Variants in TMTC2 observed in about 807,000 individuals in gnomAD.
The protein encoded by TMTC2 is protein O-mannosyl-transferase TMTC2.
In TMTC2, 43 loss-of-function variants were observed where a neutral mutation model predicts 82.4. The ratio of observed to expected loss-of-function variants is 0.52; its 90% CI spans 0.41 to 0.67. TMTC2 has a LOEUF of 0.67. TMTC2 is among the 30% of genes least tolerant of loss of function. The pLI, the probability that TMTC2 is intolerant of heterozygous loss-of-function variation, is 0.00. For missense variants in TMTC2, 919 were observed against 1,012.4 expected, an observed-to-expected ratio of 0.91 and a Z score of 1.25; for synonymous variants, 408 against 381.9, an observed-to-expected ratio of 1.07 and a Z score of -0.80.
intron 11 of TMTC2, among the ~76,000 whole-genome samples, chr12:83,085,759 C>CAA (rs1217303731): frequency 9.2e-5 from 14 of 152,278 alleles, no homozygotes; most frequent in African/African-American, 3.4e-4. Context: ...TAAATAAACT[C>CAA]AAGGCTACAT....
At chr12:83,014,320 G>A (rs555965940) in intron 8 of TMTC2, among the ~76,000 whole-genome samples, 10 of 151,640 alleles carry the variant, frequency 6.6e-5, no homozygotes, top group East Asian at 5.8e-4. Context: ...CTGCCACCAC[G>A]CCCAGCTAAT....
At chr12:83,120,620 C>T (rs538516247) in intron 11 of TMTC2, among the ~76,000 whole-genome samples, 2 of 152,280 alleles carry the variant, frequency 1.3e-5, no homozygotes, top group East Asian at 3.9e-4. Context: ...AACCTGGTGA[C>T]AGTGTGCCTA....
At chr12:82,847,754 T>G (rs1298008871) in intron 1 of TMTC2, among the ~76,000 whole-genome samples, 2 of 151,634 alleles carry the variant, frequency 1.3e-5, no homozygotes. Context: ...ATGAGATCAC[T>G]TGGACACAGG....
chr12:83,092,022 T>C (rs2896445), intron 11 of TMTC2, among the ~76,000 whole-genome samples: 26,464 of 152,000 alleles, frequency 0.17, 2,751 homozygotes, highest in African/African-American at 0.27. Flanking sequence ...AGGAAGGGGG[T>C]GAGAGAGTAA....
intron 1 of TMTC2, among the ~76,000 whole-genome samples, chr12:82,773,070 G>A (rs1877393192): frequency 6.6e-6 from 1 of 152,088 alleles, no homozygotes; most frequent in African/African-American, 2.4e-5. Context: ...AAATTTATAT[G>A]CCATGTTGGT....
intron 1 of TMTC2, among the ~76,000 whole-genome samples, chr12:82,792,361 C>T (rs1878508648): frequency 6.6e-6 from 1 of 151,748 alleles, no homozygotes; most frequent in Non-Finnish European, 1.5e-5. Flanking sequence ...GTTGAGCAAC[C>T]ATCACCTCTA....
intron 5 of TMTC2, 109 bp from the exon 6 acceptor site, chr12:82,965,451 T>C (rs1878150640): frequency 8.3e-7 from 1 of 1,204,130 alleles, no homozygotes; most frequent in Non-Finnish European, 1.2e-6. Flanking sequence ...TATTTTTTTC[T>C]TTTTTAATGA....
chr12:83,040,906 G>C (rs750738495), intron 9 of TMTC2, among the ~76,000 whole-genome samples: 3 of 152,040 alleles, frequency 2.0e-5, no homozygotes, highest in Non-Finnish European at 4.4e-5. Flanking sequence ...GGATGGTCTC[G>C]ATCTCTTGAC....
At chr12:82,796,949 T>A (rs1305476696) in intron 1 of TMTC2, among the ~76,000 whole-genome samples, 1 of 152,160 alleles carries the variant, frequency 6.6e-6, no homozygotes, top group East Asian at 1.9e-4. Context: ...TGAATAGATA[T>A]AATCAGCTCA....
At chr12:82,801,459 G>A (rs913503938) in intron 1 of TMTC2, among the ~76,000 whole-genome samples, 20 of 152,254 alleles carry the variant, frequency 1.3e-4, no homozygotes, top group African/African-American at 4.6e-4. Context: ...GGCTTGGGCA[G>A]CCTGCTTTTA....
At chr12:82,798,917 T>C (rs1009227664) in intron 1 of TMTC2, among the ~76,000 whole-genome samples, 1 of 152,014 alleles carries the variant, frequency 6.6e-6, no homozygotes, top group Non-Finnish European at 1.5e-5. Flanking sequence ...ATGATGATAC[T>C]TGCAGGAAAA....
chr12:82,985,857 ATGCTG>A (rs1485179059), intron 7 of TMTC2, 63 bp from the exon 8 acceptor site: 3 of 1,551,866 alleles, frequency 1.9e-6, no homozygotes, highest in Non-Finnish European at 2.6e-6. Context: ...GATGATGATG[ATGCTG>A]TTGCAAATAA....
At chr12:82,763,935 A>G (rs543168362) in intron 1 of TMTC2, among the ~76,000 whole-genome samples, 14 of 152,300 alleles carry the variant, frequency 9.2e-5, no homozygotes, top group African/African-American at 2.2e-4. Context: ...CCACAGCCCA[A>G]TCTCACTCAT....
At chr12:82,989,825 A>G (rs149559038) in intron 8 of TMTC2, among the ~76,000 whole-genome samples, 1 of 151,686 alleles carries the variant, frequency 6.6e-6, no homozygotes, top group Non-Finnish European at 1.5e-5. Flanking sequence ...CTCCTATACT[A>G]CAATCCAAAT....
At chr12:82,820,075 G>T (rs187314757) in intron 1 of TMTC2, among the ~76,000 whole-genome samples, 1 of 152,254 alleles carries the variant, frequency 6.6e-6, no homozygotes, top group African/African-American at 2.4e-5. Flanking sequence ...ATGTTCTACG[G>T]CAGGAAGCAT....
intron 1 of TMTC2, among the ~76,000 whole-genome samples, chr12:82,712,618 C>T (rs1157913495): frequency 6.6e-6 from 1 of 152,032 alleles, no homozygotes; most frequent in African/African-American, 2.4e-5. Context: ...AGTTGACTAG[C>T]TTGCTGGGAG....
chr12:82,741,584 C>G (rs1389605905), intron 1 of TMTC2, among the ~76,000 whole-genome samples: 1 of 152,232 alleles, frequency 6.6e-6, no homozygotes, highest in African/African-American at 2.4e-5. Flanking sequence ...GCTGGGATTA[C>G]AGGCGTGAGC....
chr12:82,815,749 G>A (rs1335317709), intron 1 of TMTC2, among the ~76,000 whole-genome samples: 1 of 151,900 alleles, frequency 6.6e-6, no homozygotes, highest in African/African-American at 2.4e-5. Context: ...GGTGTGACCC[G>A]GCAAATCTAA....
At position 82,718,774 on chromosome 12, in the gene TMTC2, C is replaced by T. The variant is rs551046054; in HGVS notation, c.83+31105C>T. Among the ~76,000 whole-genome samples the T allele has an allele frequency of 3.3e-5, 5 of 152,036 alleles. No individual in the cohort carries two copies. In the South Asian group the frequency reaches 6.2e-4, roughly 19 times the overall value. On this transcript the variant is annotated intron_variant, in intron 1 of 11. Transcript: ENST00000321196. The stretch of plus-strand genomic sequence containing the variant: ...TACTTTTATGTTTGTGGAAATTTAA[C>T]TCCTCATAGGAAAATGGAAGTTGGT...
Sources: allele counts gnomAD v4.1 joint callset (sites outside exome capture counted in the v4.1 genomes callset), GRCh38; gene constraint gnomAD v4.1.1; transcripts MANE v1.5; gene names NCBI Gene and HGNC (gene_info 2026-07-23, HGNC 2026-07-21).